The following OPRM1 variants were observed in gnomAD, a reference collection of about 807,000 sequenced individuals.
OPRM1 encodes mu-type opioid receptor.
A neutral mutation model predicts 31.8 loss-of-function variants in OPRM1; 27 were observed. That is an observed-to-expected ratio of 0.85 (90% confidence interval 0.63 to 1.17). OPRM1 has a LOEUF of 1.17. OPRM1 is among the 50% of genes most tolerant of loss of function. The pLI is 0.00. For missense variants in OPRM1, 536 were observed against 511.1 expected, an observed-to-expected ratio of 1.05 and a Z score of -0.47; for synonymous variants, 196 against 189.9, an observed-to-expected ratio of 1.03 and a Z score of -0.26.
In OPRM1 at chr6:154,131,114, T is replaced by A. The variant is rs1369433519; in HGVS notation, c.*12393T>A. Among the ~76,000 whole-genome samples, 1 of 152,242 alleles carries A rather than the reference T, an allele frequency of 6.6e-6. No individual in the cohort carries two copies. Among genetic ancestry groups the A allele is most frequent in the African/African-American group, 2.4e-5 (1 of 41,464 alleles). Reference sequence around the variant, plus strand: ...TTTTATAACATTAATGACACATTTTTTGCTATCCAAATATAATTTCCACTA... The same window carrying A: ...TTTTATAACATTAATGACACATTTTATGCTATCCAAATATAATTTCCACTA... On this transcript the variant is annotated 3_prime_UTR_variant, in exon 4 of 4. Coordinates refer to ENST00000330432, the MANE Select transcript of OPRM1 (RefSeq NM_000914.5).
chr6:154,184,269 G>A (rs991002552), intron 3 of OPRM1, among the ~76,000 whole-genome samples: 9 of 151,968 alleles, frequency 5.9e-5, no homozygotes, highest in Non-Finnish European at 1.3e-4. Context: ...ATATTAGAAT[G>A]TTTACTGTAA....
chr6:154,158,140 G>A (rs1427374212), intron 3 of OPRM1: 1 of 152,194 alleles, frequency 6.6e-6, no homozygotes, highest in Non-Finnish European at 1.5e-5. Context: ...AAAGCTTGGG[G>A]AACTATTCAA....
chr6:154,097,938 A>G (rs1446441734), intron 3 of OPRM1, among the ~76,000 whole-genome samples: 1 of 152,192 alleles, frequency 6.6e-6, no homozygotes, highest in Non-Finnish European at 1.5e-5. Context: ...GTTAAAATGT[A>G]GTGGCTGAGG....
intron 1 of OPRM1, among the ~76,000 whole-genome samples, chr6:154,030,158 A>G (rs1778928389): frequency 1.3e-5 from 2 of 152,222 alleles, no homozygotes; most frequent in South Asian, 4.1e-4. Flanking sequence ...AAAAATTAGT[A>G]GAATACCTGA....
At chr6:154,233,198 G>T (rs1779860223) in intron 3 of OPRM1, among the ~76,000 whole-genome samples, 1 of 152,046 alleles carries the variant, frequency 6.6e-6, no homozygotes, top group African/African-American at 2.4e-5. Flanking sequence ...CAAACTACTG[G>T]CCTCAAGTGA....
At chr6:154,208,370 G>A (rs1045986507) in intron 3 of OPRM1, among the ~76,000 whole-genome samples, 1 of 152,122 alleles carries the variant, frequency 6.6e-6, no homozygotes, top group Admixed American at 6.5e-5. Context: ...TCAAGGTTTC[G>A]CTCAGATCTC....
At chr6:154,022,000 T>C (rs1395643953) in intron 1 of OPRM1, among the ~76,000 whole-genome samples, 1 of 152,196 alleles carries the variant, frequency 6.6e-6, no homozygotes, top group Non-Finnish European at 1.5e-5. Context: ...CCAATAAATA[T>C]GATAAATATG....
chr6:154,212,717 T>G, intron 3 of OPRM1: 2 of 1,187,368 alleles, frequency 1.7e-6, no homozygotes, highest in Non-Finnish European at 2.5e-6. Flanking sequence ...TTGGAAGAAA[T>G]GACATCCACA....
At chr6:154,081,454 C>T (rs141266915) in intron 1 of OPRM1, among the ~76,000 whole-genome samples, 1,948 of 152,012 alleles carry the variant, frequency 0.013, 49 homozygotes, top group African/African-American at 0.045. Context: ...TGCAGTGAGC[C>T]GAGATCGCGC....
At chr6:154,111,184 C>T (rs1388229655) in intron 3 of OPRM1, among the ~76,000 whole-genome samples, 1 of 152,166 alleles carries the variant, frequency 6.6e-6, no homozygotes, top group African/African-American at 2.4e-5. Context: ...ATGTCTGATT[C>T]AGGCAATGGA....
intron 1 of OPRM1, among the ~76,000 whole-genome samples, chr6:154,066,842 G>A (rs944434638): frequency 2.0e-5 from 3 of 152,100 alleles, no homozygotes; most frequent in Admixed American, 6.5e-5. Flanking sequence ...CATTTTTGTT[G>A]TTAAAACCAC....
intron 1 of OPRM1, among the ~76,000 whole-genome samples, chr6:154,019,532 T>A (rs530245169): frequency 2.0e-5 from 3 of 152,104 alleles, no homozygotes; most frequent in East Asian, 1.9e-4. Context: ...GCCCTAAAAA[T>A]TCGTACACTC....
chr6:154,174,032 G>C (rs1188958775), intron 3 of OPRM1, among the ~76,000 whole-genome samples: 2 of 152,076 alleles, frequency 1.3e-5, no homozygotes, highest in Non-Finnish European at 2.9e-5. Context: ...ATTCTTAAAG[G>C]AAAGAATTTC....
chr6:154,071,207 A>G (rs1379089216), intron 1 of OPRM1, among the ~76,000 whole-genome samples: 3 of 152,240 alleles, frequency 2.0e-5, no homozygotes, highest in Middle Eastern at 3.2e-3. Flanking sequence ...GTGTGTAGTC[A>G]TAGCTGCTGA....
intron 3 of OPRM1, among the ~76,000 whole-genome samples, chr6:154,185,872 T>C (rs1445171462): frequency 6.6e-6 from 1 of 152,264 alleles, no homozygotes; most frequent in Non-Finnish European, 1.5e-5. Context: ...ACAAGTTGGA[T>C]AAGCTTGTTT....
At chr6:154,089,308 T>C (rs1791424240) in intron 1 of OPRM1, among the ~76,000 whole-genome samples, 1 of 151,828 alleles carries the variant, frequency 6.6e-6, no homozygotes, top group Admixed American at 6.6e-5. Flanking sequence ...AAACCCTCAC[T>C]GCGTGTGGTG....
At chr6:154,102,180 C>T (rs1583554827) in intron 3 of OPRM1, among the ~76,000 whole-genome samples, 1 of 151,854 alleles carries the variant, frequency 6.6e-6, no homozygotes, top group Admixed American at 6.6e-5. Flanking sequence ...CTGAAGTGAT[C>T]CACCTGCCTT....
intron 3 of OPRM1, among the ~76,000 whole-genome samples, chr6:154,172,821 G>A (rs576423972): frequency 4.9e-4 from 74 of 152,330 alleles, no homozygotes; most frequent in Non-Finnish European, 8.4e-4. Flanking sequence ...CTCCCAGCAC[G>A]GCATTCGATC....
intron 1 of OPRM1, among the ~76,000 whole-genome samples, chr6:154,053,520 A>G (rs1374922952): frequency 6.6e-6 from 1 of 152,252 alleles, no homozygotes; most frequent in Non-Finnish European, 1.5e-5. Context: ...CTTATTCTTT[A>G]GAACTCAGAC....
Sources: allele counts gnomAD v4.1 joint callset (sites outside exome capture counted in the v4.1 genomes callset), GRCh38; gene constraint gnomAD v4.1.1; transcripts MANE v1.5; gene names NCBI Gene and HGNC (gene_info 2026-07-23, HGNC 2026-07-21).